Variants in HNRNPUL1 observed in about 807,000 individuals in gnomAD.
HNRNPUL1 encodes heterogeneous nuclear ribonucleoprotein U like 1, also known as heterogeneous nuclear ribonucleoprotein U-like protein 1.
In HNRNPUL1, 14 loss-of-function variants were observed where a neutral mutation model predicts 108.5. The observed-to-expected ratio is 0.13, with a 90% CI of 0.09 to 0.20. HNRNPUL1 has a LOEUF of 0.20. Among genes scored for constraint, HNRNPUL1 ranks in the 10% least tolerant of loss-of-function variants. HNRNPUL1 has a pLI of 1.00. For missense variants in HNRNPUL1, 804 were observed against 1,168.3 expected, an observed-to-expected ratio of 0.69 and a Z score of 4.55; for synonymous variants, 422 against 445.2, an observed-to-expected ratio of 0.95 and a Z score of 0.66.
At position 41,272,070 on chromosome 19, in the gene HNRNPUL1, T is replaced by C. The variant is rs1175255370; in HGVS notation, c.419-12T>C. Reference sequence around the variant, plus strand: ...CGAGTGTCTTGACCATCTGAATTTGTCTTGACAATAGAAATGAAGACAGAG... The same window carrying C: ...CGAGTGTCTTGACCATCTGAATTTGCCTTGACAATAGAAATGAAGACAGAG... On this transcript the variant is annotated splice_polypyrimidine_tract_variant and intron_variant, in intron 2 of 14. Transcript: ENST00000392006. 1 of 1,613,152 alleles carries C rather than the reference T, an allele frequency of 6.2e-7. No individual in the cohort carries two copies. The highest frequency in any genetic ancestry group is 1.7e-5 in the Admixed American group (1 of 59,756).
At position 41,276,587 on chromosome 19, in the gene HNRNPUL1, GAGAAA is replaced by G. The variant is rs551034665; in HGVS notation, c.786+294_786+298del. 1.6e-4 allele frequency: 41 copies of G among 259,192 alleles called. 1 individual carries two copies. In the South Asian group the frequency reaches 4.4e-3, roughly 28 times the overall value. The allele number at this position is 259,192 out of a possible 1,614,324, so 16.1% of individuals were successfully genotyped here. ...GTAGTGATGACATGTTTGTAGAACT[GAGAAA>G]AGAAGTTGTTTGGAAGAAAAGTGAT... is the stretch of plus-strand genomic sequence containing the variant. On this transcript the variant is annotated intron_variant, in intron 5 of 14. Transcript: ENST00000392006.
chr19:41,304,335 C>T (rs777992351), intron 13 of HNRNPUL1, 74 bp downstream of exon 13: 1 of 1,527,592 alleles, frequency 6.5e-7, no homozygotes, highest in Non-Finnish European at 8.8e-7. Context: ...TAGGTGGAGG[C>T]GGATCTGGGG....
intron 7 of HNRNPUL1, among the ~76,000 whole-genome samples, chr19:41,283,841 C>T (rs549724501): frequency 6.6e-6 from 1 of 152,190 alleles, no homozygotes; most frequent in African/African-American, 2.4e-5. Flanking sequence ...GATCTGCCCA[C>T]CTCGGCCTGC....
At chr19:41,275,364 G>A (rs2035487290) in intron 4 of HNRNPUL1, among the ~76,000 whole-genome samples, 1 of 152,230 alleles carries the variant, frequency 6.6e-6, no homozygotes, top group South Asian at 2.1e-4. Flanking sequence ...GCATATCCCT[G>A]TAGTCCCAGC....
chr19:41,272,816 G>T (rs1568431784), intron 3 of HNRNPUL1, among the ~76,000 whole-genome samples: 1 of 152,108 alleles, frequency 6.6e-6, no homozygotes, highest in East Asian at 1.9e-4. Context: ...CTCTGCTTTG[G>T]TCATTTCCCT....
chr19:41,270,334 G>T (rs775072810), intron 2 of HNRNPUL1, among the ~76,000 whole-genome samples: 6 of 152,002 alleles, frequency 3.9e-5, no homozygotes, highest in Non-Finnish European at 7.4e-5. Context: ...GAGCTAGGAA[G>T]TTGAGGCTCC....
rs778542918 is a variant in HNRNPUL1, at chr19:41,264,546, C to T, written c.43C>T (p.Leu15=). Residue 15 remains leucine, a synonymous_variant, in exon 1 of 15, where the codon CTG becomes TTG. Coordinates refer to ENST00000392006, the MANE Select transcript of HNRNPUL1 (RefSeq NM_007040.6). ...GAAGGTGAACGAACTTCGCGAGGAG[C>T]TGCAGCGCCGCGGCCTGGACACTCG... ...RLKVNELREE[L]QRRGLDTRGL... The T allele has an allele frequency of 2.0e-6, 3 of 1,503,720 alleles. No homozygotes were observed. Among genetic ancestry groups the T allele is most frequent in the Non-Finnish European group, 2.7e-6 (3 of 1,128,866 alleles). 93.1% of individuals were successfully genotyped at this position (1,503,720 alleles called of 1,614,324 possible).
At chr19:41,289,570 C>T (rs1321572880) in intron 7 of HNRNPUL1, among the ~76,000 whole-genome samples, 2 of 152,080 alleles carry the variant, frequency 1.3e-5, no homozygotes, top group Non-Finnish European at 2.9e-5. Flanking sequence ...ACTCCACTTG[C>T]CTTTTGGACA....
chr19:41,283,558 T>G (rs2036031967), intron 7 of HNRNPUL1, among the ~76,000 whole-genome samples: 1 of 152,124 alleles, frequency 6.6e-6, no homozygotes, highest in South Asian at 2.1e-4. Context: ...TGGGTTCAAG[T>G]GATTCTCCTG....
chr19:41,282,053 A>T (rs1437403309), intron 7 of HNRNPUL1, among the ~76,000 whole-genome samples: 1 of 152,240 alleles, frequency 6.6e-6, no homozygotes, highest in Non-Finnish European at 1.5e-5. Flanking sequence ...TAGGAGTTAT[A>T]AGAGATGTTT....
intron 7 of HNRNPUL1, among the ~76,000 whole-genome samples, chr19:41,284,401 C>T (rs2036085767): frequency 6.6e-6 from 1 of 152,236 alleles, no homozygotes; most frequent in African/African-American, 2.4e-5. Context: ...CACTGTGACT[C>T]ACACTTGTAG....
chr19:41,305,401 T>G lies in HNRNPUL1; in HGVS notation c.2263-275T>G, dbSNP rs541358160. Among the ~76,000 whole-genome samples the G allele has an allele frequency of 2.0e-5, 3 of 152,322 alleles. No homozygotes were observed. The East Asian group carries it at 5.8e-4, about 29-fold the overall frequency. ...ATTCTCATTTTATAAAAAAGAAAACTGAGATTTCAAGAAGTGCCGTGTACC... is the reference window on the plus strand; with the variant it reads ...ATTCTCATTTTATAAAAAAGAAAACGGAGATTTCAAGAAGTGCCGTGTACC... On this transcript the variant is annotated intron_variant, in intron 13 of 14. Coordinates refer to ENST00000392006, the MANE Select transcript of HNRNPUL1 (RefSeq NM_007040.6).
At chr19:41,295,486 G>A (rs1472934005) in intron 10 of HNRNPUL1, among the ~76,000 whole-genome samples, 1 of 152,196 alleles carries the variant, frequency 6.6e-6, no homozygotes, top group Non-Finnish European at 1.5e-5. Flanking sequence ...GTTCCACATG[G>A]TTATTGCCTA....
intron 13 of HNRNPUL1, among the ~76,000 whole-genome samples, chr19:41,304,765 C>G (rs1164012506): frequency 6.6e-6 from 1 of 152,222 alleles, no homozygotes; most frequent in Non-Finnish European, 1.5e-5. Context: ...TGCCCTGGCT[C>G]TGGTATGCAC....
chr19:41,263,900 G>C (rs1183155835), upstream of HNRNPUL1, among the ~76,000 whole-genome samples: 1 of 152,186 alleles, frequency 6.6e-6, no homozygotes, highest in Non-Finnish European at 1.5e-5. Context: ...GGAAGGAGGG[G>C]TTTCTGCCGA....
At chr19:41,265,936 C>T (rs1288741857) in intron 1 of HNRNPUL1, among the ~76,000 whole-genome samples, 2 of 151,976 alleles carry the variant, frequency 1.3e-5, no homozygotes, top group Non-Finnish European at 2.9e-5. Flanking sequence ...GGGAATGTTT[C>T]TGGACCTGAG....
chr19:41,267,226 T>TGGGCC (rs2034906523), intron 1 of HNRNPUL1, among the ~76,000 whole-genome samples: 1 of 152,172 alleles, frequency 6.6e-6, no homozygotes, highest in African/African-American at 2.4e-5. Flanking sequence ...GGCTTATCAC[T>TGGGCC]GGGCCTGCCT....
rs374289057 is a variant in HNRNPUL1 at position 41,291,024 on chromosome 19, C to T, written c.1000-1221C>T. Reference sequence around the variant, plus strand: ...TTGCGCCATTGCACTCCAGCCTGGGCAACAAGAGTGAAATTCCGTCTCAAC... The same window carrying T: ...TTGCGCCATTGCACTCCAGCCTGGGTAACAAGAGTGAAATTCCGTCTCAAC... On this transcript the variant is annotated intron_variant, in intron 7 of 14. Transcript: ENST00000392006. Among the ~76,000 whole-genome samples the T allele has an allele frequency of 4.6e-5, 7 of 152,302 alleles. No individual in the cohort carries two copies. The East Asian group carries it at 9.6e-4, about 21-fold the overall frequency.
At chr19:41,274,227 C>T (rs1222862984) in intron 4 of HNRNPUL1, among the ~76,000 whole-genome samples, 172 bp downstream of exon 4, 1 of 152,178 alleles carries the variant, frequency 6.6e-6, no homozygotes, top group Non-Finnish European at 1.5e-5. Context: ...AAAAGACCTA[C>T]TCCCAACTCT....
Sources: allele counts gnomAD v4.1 joint callset (sites outside exome capture counted in the v4.1 genomes callset), GRCh38; gene constraint gnomAD v4.1.1; transcripts MANE v1.5; gene names NCBI Gene and HGNC (gene_info 2026-07-23, HGNC 2026-07-21).